Variants in PITPNM2 observed in about 807,000 individuals in gnomAD.
PITPNM2 encodes the protein phosphatidylinositol transfer protein membrane associated 2, also known as membrane-associated phosphatidylinositol transfer protein 2.
Under a neutral mutation model 132.2 loss-of-function variants are expected in PITPNM2, and 35 were observed. That is an observed-to-expected ratio of 0.26 (90% CI 0.20 to 0.35). The LOEUF (loss-of-function observed/expected upper bound fraction) is 0.35, where lower values mean the gene tolerates loss of function less well. Ranked by LOEUF, PITPNM2 falls within the 10% of genes least tolerant of loss-of-function variation. The probability of loss-of-function intolerance (pLI) is 1.00; values close to 1 mark genes in which losing one functional copy is unlikely to be tolerated. For missense variants in PITPNM2, 1,332 were observed against 1,912.0 expected, an observed-to-expected ratio of 0.70 and a Z score of 5.66; for synonymous variants, 738 against 799.2, an observed-to-expected ratio of 0.92 and a Z score of 1.29.
At position 122,985,176 on chromosome 12, in the gene PITPNM2, G is replaced by A. The variant is rs2037884375; in HGVS notation, c.*851C>T. The A allele has an allele frequency of 6.6e-6, 1 of 152,488 alleles. No individual in the cohort carries two copies. The highest frequency in any genetic ancestry group is 1.5e-5 in the Non-Finnish European group (1 of 68,048). 9.4% of individuals were successfully genotyped at this position (152,488 alleles called of 1,614,324 possible). On this transcript the variant is annotated 3_prime_UTR_variant, in exon 26 of 26. Coordinates refer to ENST00000320201, the MANE Select transcript of PITPNM2 (RefSeq NM_020845.3). ...AGGGGCTGCTCTCAGTACTGAAAGA[G>A]TTAAGAAAAGGAAGCAGCCAAGGAT...
In PITPNM2 at chr12:123,108,410, C is replaced by T. The variant is rs948877867; in HGVS notation, c.-96+1975G>A. Reference sequence around the variant, plus strand: ...GGAGACCAAGGCTGTGTTGAAGCAGCGTCCCTCAGAGCAATGTCAGTGCTC... The same window carrying T: ...GGAGACCAAGGCTGTGTTGAAGCAGTGTCCCTCAGAGCAATGTCAGTGCTC... On this transcript the variant is annotated intron_variant, in intron 2 of 25. Coordinates refer to ENST00000320201, the MANE Select transcript of PITPNM2 (RefSeq NM_020845.3). This position sits in a 1 kb window ranked among gnomAD's most constrained non-coding sequence, Gnocchi z 4.4. Among the ~76,000 whole-genome samples, 4 of 152,102 alleles carry T rather than the reference C, an allele frequency of 2.6e-5. No homozygotes were observed. The highest frequency in any genetic ancestry group is 2.0e-4 in the Admixed American group (3 of 15,278).
intron 1 of PITPNM2, among the ~76,000 whole-genome samples, chr12:123,134,636 G>T (rs2043336578): frequency 6.6e-6 from 1 of 151,016 alleles, no homozygotes; most frequent in East Asian, 1.9e-4. Context: ...CCACTTACAA[G>T]GGAAAAAAAA....
chr12:122,986,924 C>G, intron 23 of PITPNM2, 95 bp from the exon 24 acceptor site: 1 of 1,395,118 alleles, frequency 7.2e-7, no homozygotes. Flanking sequence ...CATTGGAAAG[C>G]ACATCTCTGA....
At chr12:122,999,156 G>T (rs1012974443) in intron 10 of PITPNM2, among the ~76,000 whole-genome samples, 1 of 152,008 alleles carries the variant, frequency 6.6e-6, no homozygotes, top group Non-Finnish European at 1.5e-5. Flanking sequence ...CAAGGGAATG[G>T]ATGGGCTGGG....
At chr12:123,062,802 G>A (rs2041289478) in intron 2 of PITPNM2, among the ~76,000 whole-genome samples, 1 of 152,180 alleles carries the variant, frequency 6.6e-6, no homozygotes, top group Admixed American at 6.5e-5. Context: ...TGGAATTGAG[G>A]ATAAGGAATT....
At chr12:123,093,275 G>GT (rs769336838) in intron 2 of PITPNM2, among the ~76,000 whole-genome samples, 12 of 152,120 alleles carry the variant, frequency 7.9e-5, no homozygotes, top group Non-Finnish European at 8.8e-5. Flanking sequence ...TGATGAAAAT[G>GT]TTTTTTTAAA....
At chr12:123,127,610 C>CA (rs2137509245) in intron 1 of PITPNM2, among the ~76,000 whole-genome samples, 1 of 139,478 alleles carries the variant, frequency 7.2e-6, no homozygotes, top group African/African-American at 2.7e-5. Context: ...CTTTTTCTTT[C>CA]TTTTTTTTTT....
chr12:123,145,351 C>T (rs2043593074), intron 1 of PITPNM2, among the ~76,000 whole-genome samples: 1 of 152,148 alleles, frequency 6.6e-6, no homozygotes. Context: ...TTTGAGCTGT[C>T]AGCTTCTGCT....
At chr12:123,019,949 G>A (rs925302289) in intron 3 of PITPNM2, among the ~76,000 whole-genome samples, 14 of 152,146 alleles carry the variant, frequency 9.2e-5, no homozygotes, top group Non-Finnish European at 5.9e-5. Flanking sequence ...GATATGCTGG[G>A]TAGGGAGGCA....
chr12:123,059,581 C>T (rs1164682017), intron 2 of PITPNM2, among the ~76,000 whole-genome samples: 1 of 152,244 alleles, frequency 6.6e-6, no homozygotes, highest in Non-Finnish European at 1.5e-5. Flanking sequence ...ATCATCTGAG[C>T]TTCTCTCTTG....
chr12:123,084,603 C>T (rs993323495), intron 2 of PITPNM2: 12 of 152,188 alleles, frequency 7.9e-5, no homozygotes, highest in African/African-American at 2.9e-4. Flanking sequence ...AAGAGACGAA[C>T]GCTTAGCCTA....
rs1418497314 is a variant in PITPNM2, at chr12:122,996,445, C to T, written c.1782+13G>A. 7 of 1,612,660 alleles carry T rather than the reference C, an allele frequency of 4.3e-6. No individual in the cohort carries two copies. The highest frequency in any genetic ancestry group is 5.9e-6 in the Non-Finnish European group (7 of 1,179,908). On this transcript the variant is annotated intron_variant, in intron 13 of 25. Coordinates refer to ENST00000320201, the MANE Select transcript of PITPNM2 (RefSeq NM_020845.3). ...TCAGGCCTTGGGGACTGTCTGGGCC[C>T]CCACTTGGGTACCTGCATGCTGACC... is the stretch of plus-strand genomic sequence containing the variant.
At position 123,058,857 on chromosome 12, in the gene PITPNM2, A is replaced by G. The variant is rs1332588692; in HGVS notation, c.-95-24172T>C. On this transcript the variant is annotated intron_variant, in intron 2 of 25. Coordinates refer to ENST00000320201, the MANE Select transcript of PITPNM2 (RefSeq NM_020845.3). The surrounding 1 kb of genome is among the most constrained non-coding windows in gnomAD (Gnocchi z 4.0). ...TTAAGAATCAGCTTACACAGCACTC[A>G]CTCTGAGAAGCCCTCCGAGACTACT... is the stretch of plus-strand genomic sequence containing the variant. Among the ~76,000 whole-genome samples the G allele has an allele frequency of 2.6e-5, 4 of 152,042 alleles. No individual in the cohort carries two copies. The highest frequency in any genetic ancestry group is 4.8e-5 in the African/African-American group (2 of 41,382).
rs2041118505 is a variant in PITPNM2, at chr12:123,058,494, A to T, written c.-95-23809T>A. Among the ~76,000 whole-genome samples, 1 of 152,194 alleles carries T rather than the reference A, an allele frequency of 6.6e-6. No homozygotes were observed. Among genetic ancestry groups the T allele is most frequent in the Admixed American group, 6.5e-5 (1 of 15,280 alleles). On this transcript the variant is annotated intron_variant, in intron 2 of 25. Transcript: ENST00000320201. The surrounding 1 kb of genome is among the most constrained non-coding windows in gnomAD (Gnocchi z 4.0). The stretch of plus-strand genomic sequence containing the variant: ...ATGCAACCATGTTTGCCAGCTCCCC[A>T]GAATGTCACTGGAAGCCATCATGCC...
At chr12:122,990,806 G>A in intron 16 of PITPNM2, 97 bp from the exon 17 acceptor site, 1 of 1,317,742 alleles carries the variant, frequency 7.6e-7, no homozygotes, top group Non-Finnish European at 1.0e-6. Context: ...TGTGCACCTA[G>A]ACTGGAGGCT....
At position 123,005,160 on chromosome 12, in the gene PITPNM2, G is replaced by T; in HGVS notation, c.952+80C>A. On this transcript the variant is annotated intron_variant, in intron 7 of 25. Transcript: ENST00000320201. The surrounding 1 kb of genome is among the most constrained non-coding windows in gnomAD (Gnocchi z 6.2). ...GTCCATGGGAAAGAACTCTGAGGAGGTGCAGTGATCCAGCAGTGTGTGGGG... is the reference window on the plus strand; with the variant it reads ...GTCCATGGGAAAGAACTCTGAGGAGTTGCAGTGATCCAGCAGTGTGTGGGG... 1 of 1,475,720 alleles carries T rather than the reference G, an allele frequency of 6.8e-7. No homozygotes were observed. The highest frequency in any genetic ancestry group is 9.2e-7 in the Non-Finnish European group (1 of 1,083,508). The allele number at this position is 1,475,720 out of a possible 1,614,324, so 91.4% of individuals were successfully genotyped here.
At position 123,036,480 on chromosome 12, in the gene PITPNM2, TCAAGACCAGCCTGGGAAACATAG is replaced by T. The variant is rs1390086604; in HGVS notation, c.-95-1818_-95-1796del. Among the ~76,000 whole-genome samples, 2 of 152,190 alleles carry T rather than the reference TCAAGACCAGCCTGGGAAACATAG, an allele frequency of 1.3e-5. No homozygotes were observed. Among genetic ancestry groups the T allele is most frequent in the Non-Finnish European group, 2.9e-5 (2 of 67,998 alleles). On this transcript the variant is annotated intron_variant, in intron 2 of 25. Coordinates refer to ENST00000320201, the MANE Select transcript of PITPNM2 (RefSeq NM_020845.3). This position sits in a 1 kb window ranked among gnomAD's most constrained non-coding sequence, Gnocchi z 4.1. ...GTGGACTGCTTGAGGTCAAGCAAGC[TCAAGACCAGCCTGGGAAACATAG>T]CAAGACCCTCCTCTCTATTAAAAAA...
chr12:123,094,755 G>C (rs879622019), intron 2 of PITPNM2, among the ~76,000 whole-genome samples: 5 of 152,184 alleles, frequency 3.3e-5, no homozygotes, highest in Non-Finnish European at 7.4e-5. Context: ...TCCCAGGTGG[G>C]GCCGAGGGCA....
chr12:123,112,340 C>T (rs1449320633), intron 1 of PITPNM2, among the ~76,000 whole-genome samples: 1 of 152,032 alleles, frequency 6.6e-6, no homozygotes, highest in Admixed American at 6.6e-5. Flanking sequence ...GTCCACTGCC[C>T]TAAGGGGACA....
Sources: allele counts gnomAD v4.1 joint callset (sites outside exome capture counted in the v4.1 genomes callset), GRCh38; gene constraint gnomAD v4.1.1; non-coding constraint Gnocchi (gnomAD v3.1); transcripts MANE v1.5; gene names NCBI Gene and HGNC (gene_info 2026-07-23, HGNC 2026-07-21).